Variants in PI4KA observed in about 807,000 individuals in gnomAD.
PI4KA encodes the protein phosphatidylinositol 4-kinase alpha, also known as PI4-kinase alpha.
In PI4KA, 122 loss-of-function variants were observed where a neutral mutation model predicts 271.4. That is an observed-to-expected ratio of 0.45 (90% CI 0.39 to 0.52). The LOEUF is 0.52. PI4KA is among the 20% of genes least tolerant of loss of function. The pLI is 0.00. For missense variants in PI4KA, 1,969 were observed against 2,769.1 expected (o/e 0.71, Z 6.48); for synonymous variants, 1,041 against 1,078.8 (o/e 0.96, Z 0.69).
chr22:20,805,366 T>A (rs1416841258), intron 10 of PI4KA, among the ~76,000 whole-genome samples: 2 of 152,176 alleles, frequency 1.3e-5, no homozygotes, highest in African/African-American at 2.4e-5. Context: ...GCACACAACC[T>A]GGCAATCAGA....
intron 19 of PI4KA, among the ~76,000 whole-genome samples, chr22:20,771,141 T>C (rs1309567735): frequency 2.0e-5 from 3 of 151,960 alleles, no homozygotes; most frequent in Non-Finnish European, 2.9e-5. Flanking sequence ...GTTAAAGCCA[T>C]ACACAAGCTG....
chr22:20,838,148 T>C (rs1925115237), intron 2 of PI4KA, among the ~76,000 whole-genome samples: 1 of 151,634 alleles, frequency 6.6e-6, no homozygotes, highest in South Asian at 2.1e-4. Context: ...GATACACTGA[T>C]ACATACTCTA....
chr22:20,828,547 T>C (rs1044135074), intron 3 of PI4KA, among the ~76,000 whole-genome samples: 6 of 152,018 alleles, frequency 3.9e-5, no homozygotes, highest in Non-Finnish European at 7.4e-5. Context: ...CTAGAGTTTG[T>C]TGTGGATTTT....
At chr22:20,759,402 C>CTTTTTTT (rs886192073) in intron 23 of PI4KA, among the ~76,000 whole-genome samples, 73 of 102,882 alleles carry the variant, frequency 7.1e-4, no homozygotes, top group East Asian at 1.6e-3. Context: ...CTTTTCTTTT[C>CTTTTTTT]TTTTTTTTTT....
intron 19 of PI4KA, among the ~76,000 whole-genome samples, chr22:20,790,695 AACAAACACAC>A (rs1934574003): frequency 2.2e-5 from 2 of 92,364 alleles, no homozygotes; most frequent in African/African-American, 1.0e-4. Flanking sequence ...ATTTAAAAAA[AACAAACACAC>A]ACACACACAC....
At chr22:20,822,670 T>G (rs1198377697) in intron 4 of PI4KA, among the ~76,000 whole-genome samples, 2 of 152,192 alleles carry the variant, frequency 1.3e-5, no homozygotes, top group African/African-American at 4.8e-5. Context: ...CCAAACCATT[T>G]GGCCCTCAGC....
At chr22:20,746,247 A>G (rs904339021) in intron 29 of PI4KA, among the ~76,000 whole-genome samples, 3 of 151,788 alleles carry the variant, frequency 2.0e-5, no homozygotes, top group Non-Finnish European at 2.9e-5. Context: ...TATTTTTAGT[A>G]GAGACGGGGT....
At chr22:20,751,571 G>T in intron 26 of PI4KA, 103 bp downstream of exon 26, 1 of 1,086,732 alleles carries the variant, frequency 9.2e-7, no homozygotes, top group Non-Finnish European at 1.4e-6. Flanking sequence ...TTATGTTCAG[G>T]CTTATTGTCA....
chr22:20,856,348 T>C (rs1927594829), intron 1 of PI4KA, among the ~76,000 whole-genome samples: 1 of 151,896 alleles, frequency 6.6e-6, no homozygotes, highest in Non-Finnish European at 1.5e-5. Context: ...ATGTTGCCAA[T>C]GAGACTGAAG....
At chr22:20,727,426 C>T in intron 40 of PI4KA, 29 bp from the exon 41 acceptor site, 4 of 1,574,252 alleles carry the variant, frequency 2.5e-6, no homozygotes, top group Non-Finnish European at 3.4e-6. Flanking sequence ...GATGCTGTGG[C>T]TTGGGCAGTC....
chr22:20,733,639 T>G, intron 35 of PI4KA, 97 bp downstream of exon 35: 1 of 1,599,114 alleles, frequency 6.3e-7, no homozygotes, highest in Non-Finnish European at 8.5e-7. Flanking sequence ...GGCAACTGTG[T>G]ATTCCTGTGA....
chr22:20,802,975 A>G (rs182484940), intron 13 of PI4KA, among the ~76,000 whole-genome samples: 37 of 152,284 alleles, frequency 2.4e-4, no homozygotes, highest in African/African-American at 8.4e-4. Flanking sequence ...CAAAAAGAAA[A>G]CAGGACTTGA....
intron 50 of PI4KA, among the ~76,000 whole-genome samples, chr22:20,712,002 C>T (rs184868510): frequency 6.6e-6 from 1 of 151,750 alleles, no homozygotes; most frequent in African/African-American, 2.4e-5. Flanking sequence ...CTTGGCCTCC[C>T]AAAGTGCTGG....
intron 42 of PI4KA, among the ~76,000 whole-genome samples, chr22:20,724,949 G>A (rs193105132): frequency 6.9e-4 from 105 of 152,344 alleles, no homozygotes; most frequent in Admixed American, 1.6e-3. Flanking sequence ...TGAAGGCTCC[G>A]GCTTGGTGAG....
At chr22:20,765,064 C>A in intron 21 of PI4KA, 36 bp downstream of exon 21, 2 of 1,597,960 alleles carry the variant, frequency 1.3e-6, no homozygotes, top group Non-Finnish European at 8.6e-7. Flanking sequence ...CTAATTGGCA[C>A]AGAGAGCATG....
rs1327246802 is a variant in PI4KA, at chr22:20,742,236, C to G, written c.3733G>C (p.Glu1245Gln). 2 of 1,614,046 alleles carry G rather than the reference C, an allele frequency of 1.2e-6. No individual in the cohort carries two copies. The highest frequency in any genetic ancestry group is 1.7e-5 in the Admixed American group (1 of 60,002). Residue 1245 changes from glutamate to glutamine, a missense_variant, in exon 32 of 55, where the codon GAA becomes CAA. Coordinates refer to ENST00000255882, the MANE Select transcript of PI4KA (RefSeq NM_058004.4). The stretch of plus-strand genomic sequence containing the variant: ...CGAGGTCAGGGTCCTACCGGCACTT[C>G]CACTCCATCCTTGCCAGCCAGCAGC... ...EWLLAGKDGV[E>Q]VPFMREMAGA...
chr22:20,779,532 G>T (rs1388771469), intron 19 of PI4KA: 1 of 1,613,992 alleles, frequency 6.2e-7, no homozygotes, highest in Admixed American at 1.7e-5. Context: ...TCCAGAGGGG[G>T]AGGAGGACGA....
chr22:20,761,265 G>A, intron 23 of PI4KA, 39 bp downstream of exon 23: 1 of 1,194,788 alleles, frequency 8.4e-7, no homozygotes, highest in South Asian at 1.2e-5. Context: ...CCCTATTAAA[G>A]CTCAATTCAT....
chr22:20,745,415 TTCCCTTTAGCATCAG>T (rs1353735412), intron 29 of PI4KA, among the ~76,000 whole-genome samples: 14 of 152,178 alleles, frequency 9.2e-5, no homozygotes, highest in African/African-American at 3.4e-4. Flanking sequence ...CCTTTCGCAT[TTCCCTTTAGCATCAG>T]TACTAATGGG....
Sources: allele counts gnomAD v4.1 joint callset (sites outside exome capture counted in the v4.1 genomes callset), GRCh38; gene constraint gnomAD v4.1.1; transcripts MANE v1.5; gene names NCBI Gene and HGNC (gene_info 2026-07-23, HGNC 2026-07-21).